TTC19: variants seen among roughly 807,000 people sequenced by gnomAD.
TTC19 encodes tetratricopeptide repeat domain 19.
Under a neutral mutation model 49.5 loss-of-function variants are expected in TTC19, and 38 were observed. The ratio of observed to expected loss-of-function variants is 0.77; its 90% CI spans 0.59 to 1.01. TTC19 has a LOEUF of 1.01. Ranked by LOEUF, TTC19 falls within the 50% of genes least tolerant of loss-of-function variation. TTC19 has a pLI of 0.00. For synonymous variants in TTC19, 204 were observed against 185.2 expected, an observed-to-expected ratio of 1.10 and a Z score of -0.83; for missense variants, 475 against 477.7, an observed-to-expected ratio of 0.99 and a Z score of 0.05.
chr17:16,020,875 A>G (rs963857534), intron 7 of TTC19, among the ~76,000 whole-genome samples: 1 of 151,960 alleles, frequency 6.6e-6, no homozygotes, highest in Admixed American at 6.6e-5. Context: ...GAGAGTAGAG[A>G]TGAGGTTTCG....
intron 8 of TTC19, among the ~76,000 whole-genome samples, chr17:16,026,083 C>A (rs760174292): frequency 6.6e-6 from 1 of 152,114 alleles, no homozygotes; most frequent in Non-Finnish European, 1.5e-5. Flanking sequence ...TCCTACTGGG[C>A]ATCTTCCTAA....
At chr17:16,018,252 C>T (rs191804416) in intron 7 of TTC19, among the ~76,000 whole-genome samples, 4 of 119,146 alleles carry the variant, frequency 3.4e-5, no homozygotes, top group African/African-American at 5.2e-5. Context: ...CTTGCTTAGT[C>T]CCTGGTGAAC....
At chr17:16,014,336 G>A (rs1971155555) in intron 7 of TTC19, among the ~76,000 whole-genome samples, 1 of 152,218 alleles carries the variant, frequency 6.6e-6, no homozygotes, top group South Asian at 2.1e-4. Flanking sequence ...TGAGTCATGT[G>A]AGAAAAGAAC....
intron 7 of TTC19, among the ~76,000 whole-genome samples, chr17:16,011,544 TGTTCA>T (rs1971069973): frequency 6.6e-6 from 1 of 152,226 alleles, no homozygotes; most frequent in Admixed American, 6.5e-5. Context: ...GGAATGCCTG[TGTTCA>T]GTTCAGAATA....
rs559195911 is a variant in TTC19, at chr17:16,028,317, A to G, written c.*795A>G. ...AGGACACACAGCCCAGGCTGTTCTG[A>G]GTCAGAATAGGCCCCTACAGGTATA... On this transcript the variant is annotated 3_prime_UTR_variant, in exon 10 of 10. Coordinates refer to ENST00000261647, the MANE Select transcript of TTC19 (RefSeq NM_017775.4). 22 of 453,988 alleles carry G rather than the reference A, an allele frequency of 4.8e-5. No homozygotes were observed. Among genetic ancestry groups the G allele is most frequent in the Non-Finnish European group, 9.7e-5 (22 of 226,784 alleles). The allele number at this position is 453,988 out of a possible 1,614,324, so 28.1% of individuals were successfully genotyped here.
chr17:16,026,038 C>T (rs554634599), intron 8 of TTC19, among the ~76,000 whole-genome samples: 35 of 152,232 alleles, frequency 2.3e-4, no homozygotes, highest in African/African-American at 8.4e-4. Flanking sequence ...CTCTTCCATA[C>T]TGAAATTCCA....
downstream of TTC19, among the ~76,000 whole-genome samples, chr17:16,033,277 G>A (rs1972730038): frequency 6.8e-6 from 1 of 146,380 alleles, no homozygotes; most frequent in Non-Finnish European, 1.5e-5. Context: ...GGAGGTTGCT[G>A]TGAGCCAAGA....
At chr17:16,031,384 C>G, downstream of TTC19, 1 of 190,476 alleles carries the variant, frequency 5.3e-6, no homozygotes, top group East Asian at 8.4e-5. Flanking sequence ...AGCCTTAAAC[C>G]ACAAATAATC....
chr17:16,025,743 T>C (rs72821768), intron 8 of TTC19, among the ~76,000 whole-genome samples: 14 of 152,332 alleles, frequency 9.2e-5, no homozygotes, highest in African/African-American at 2.9e-4. Flanking sequence ...AAGGAGTGCA[T>C]TGCTTTGTCT....
chr17:16,000,458 G>A (rs1970690302), intron 2 of TTC19: 5 of 1,358,924 alleles, frequency 3.7e-6, no homozygotes, highest in Non-Finnish European at 4.8e-6. Context: ...CCTCTGCAGT[G>A]TCAAGTGCAA....
downstream of TTC19, chr17:16,032,121 C>T: frequency 1.6e-6 from 1 of 631,512 alleles, no homozygotes. Context: ...TGTTTTTTTC[C>T]CATTTGACTC....
Position 16,028,168 on chromosome 17 carries a change from AAAATGGGGGTGTTTATATAAAACT to A in TTC19, c.*650_*673del. 2.2e-6 allele frequency: 1 copy of A among 454,082 alleles called. No homozygotes were observed. The highest frequency in any genetic ancestry group is 4.4e-6 in the Non-Finnish European group (1 of 226,786). 28.1% of individuals were successfully genotyped at this position (454,082 alleles called of 1,614,324 possible). Reference sequence around the variant, plus strand: ...ATATTTATCTGGTTATATAAAACTAAAAATGGGGGTGTTTATATAAAACTAAAAACTAAGAATGATGTAACCTTT... The same window carrying A: ...ATATTTATCTGGTTATATAAAACTAAAAAAACTAAGAATGATGTAACCTTT... On this transcript the variant is annotated 3_prime_UTR_variant, in exon 10 of 10. Transcript: ENST00000261647.
intron 2 of TTC19, among the ~76,000 whole-genome samples, chr17:16,001,501 T>TA (rs900921367): frequency 6.6e-6 from 1 of 152,222 alleles, no homozygotes; most frequent in Admixed American, 6.5e-5. Context: ...AAGGCTTCCC[T>TA]AAGTCCTATT....
chr17:16,038,779 GTA>G (rs1339957540), intron 2 of TTC19, among the ~76,000 whole-genome samples: 7 of 151,660 alleles, frequency 4.6e-5, no homozygotes, highest in Admixed American at 4.6e-4. Context: ...GTCTGTGTAT[GTA>G]TGTATTTTGA....
chr17:16,038,707 T>A (rs1243374747), intron 2 of TTC19, among the ~76,000 whole-genome samples: 3 of 152,164 alleles, frequency 2.0e-5, no homozygotes, highest in African/African-American at 4.8e-5. Flanking sequence ...CAAAGTGCTA[T>A]GATTACACCT....
rs1293400029 is a variant in TTC19, at chr17:16,000,000, G to A, written c.152G>A (p.Gly51Asp). 2 of 1,257,178 alleles carry A rather than the reference G, an allele frequency of 1.6e-6. No individual in the cohort carries two copies. The highest frequency in any genetic ancestry group is 1.0e-6 in the Non-Finnish European group (1 of 1,003,688). The allele number at this position is 1,257,178 out of a possible 1,614,324, so 77.9% of individuals were successfully genotyped here. A position where few individuals can be genotyped will look rare whatever the true frequency, so the allele number is the denominator to read the frequency against. ...QVPPSRVAPH[G>D]RGPGLLPLLA... ...CCGCCATCCCGAGTCGCGCCGCACGGCCGGGGCCCAGGCCTGCTGCCGCTG... is the reference window on the plus strand; with the variant it reads ...CCGCCATCCCGAGTCGCGCCGCACGACCGGGGCCCAGGCCTGCTGCCGCTG... The change falls in exon 1 of 10, where the codon GGC becomes GAC. Residue 51 changes from glycine (G) to aspartate (D), a missense_variant. Coordinates refer to ENST00000261647, the MANE Select transcript of TTC19 (RefSeq NM_017775.4).
chr17:16,032,879 C>G (rs1242599861), downstream of TTC19, among the ~76,000 whole-genome samples: 1 of 152,140 alleles, frequency 6.6e-6, no homozygotes, highest in Non-Finnish European at 1.5e-5. Flanking sequence ...TGGACAAGTA[C>G]CCAGGAACGT....
intron 2 of TTC19, 84 bp downstream of exon 2, chr17:16,000,329 C>G (rs1467361926): frequency 6.4e-7 from 1 of 1,556,488 alleles, no homozygotes; most frequent in Non-Finnish European, 8.6e-7. Context: ...ATTACTCTCT[C>G]CGCCTCGCCG....
intron 7 of TTC19, among the ~76,000 whole-genome samples, chr17:16,012,060 TTTA>T (rs1229296062): frequency 6.6e-6 from 1 of 152,140 alleles, no homozygotes; most frequent in Non-Finnish European, 1.5e-5. Flanking sequence ...TGCTAAGAGG[TTTA>T]TTTTTTATTG....
Sources: allele counts gnomAD v4.1 joint callset (sites outside exome capture counted in the v4.1 genomes callset), GRCh38; gene constraint gnomAD v4.1.1; transcripts MANE v1.5; gene names NCBI Gene and HGNC (gene_info 2026-07-23, HGNC 2026-07-21).